Variants in TBX15 observed in about 807,000 individuals in gnomAD.
TBX15 encodes T-box transcription factor TBX15.
A neutral mutation model predicts 53.9 loss-of-function variants in TBX15; 18 were observed. The observed-to-expected ratio is 0.33, with a 90% CI of 0.23 to 0.49. The LOEUF is 0.49. Among genes scored for constraint, TBX15 ranks in the 20% least tolerant of loss-of-function variants. The pLI, the probability that TBX15 is intolerant of heterozygous loss-of-function variation, is 0.98. For synonymous variants in TBX15, 295 were observed against 278.0 expected, an observed-to-expected ratio of 1.06 and a Z score of -0.61; for missense variants, 692 against 749.5, an observed-to-expected ratio of 0.92 and a Z score of 0.90.
At chr1:118,945,898 T>C (rs777863287) in intron 1 of TBX15, among the ~76,000 whole-genome samples, 3 of 152,208 alleles carry the variant, frequency 2.0e-5, no homozygotes, top group Non-Finnish European at 2.9e-5. Context: ...AATTTACAAG[T>C]CTGGAGGATG....
At chr1:118,965,725 T>A (rs911512122) in intron 1 of TBX15, among the ~76,000 whole-genome samples, 6 of 152,222 alleles carry the variant, frequency 3.9e-5, no homozygotes, top group Non-Finnish European at 7.3e-5. Context: ...TGGAATTCTA[T>A]GAGACTTTTA....
intron 6 of TBX15, among the ~76,000 whole-genome samples, chr1:118,910,959 A>G (rs1240496760): frequency 3.3e-5 from 5 of 152,174 alleles, no homozygotes; most frequent in African/African-American, 1.2e-4. Context: ...TTACTTGGAA[A>G]AGCAAAGGTG....
intron 7 of TBX15, among the ~76,000 whole-genome samples, chr1:118,892,655 G>A (rs1197611157): frequency 6.6e-6 from 1 of 152,042 alleles, no homozygotes; most frequent in Non-Finnish European, 1.5e-5. Flanking sequence ...TTCTCTAACA[G>A]TAATACTCAT....
intron 5 of TBX15, among the ~76,000 whole-genome samples, chr1:118,918,893 C>T (rs145420151): frequency 1.9e-3 from 285 of 152,300 alleles, no homozygotes; most frequent in African/African-American, 6.3e-3. Flanking sequence ...CTCTTATTAA[C>T]ACTCTTCGTT....
chr1:118,957,650 T>G (rs1289927914), intron 1 of TBX15, among the ~76,000 whole-genome samples: 1 of 152,152 alleles, frequency 6.6e-6, no homozygotes, highest in Non-Finnish European at 1.5e-5. Flanking sequence ...GGCCGCGGTG[T>G]GTGATGTTCC....
At chr1:118,976,544 C>T (rs978564454) in intron 1 of TBX15, among the ~76,000 whole-genome samples, 3 of 152,208 alleles carry the variant, frequency 2.0e-5, no homozygotes, top group African/African-American at 7.2e-5. Context: ...CATTATTCCA[C>T]TTCCCTGCAT....
At chr1:118,953,346 G>A (rs998226619) in intron 1 of TBX15, among the ~76,000 whole-genome samples, 1 of 152,164 alleles carries the variant, frequency 6.6e-6, no homozygotes, top group African/African-American at 2.4e-5. Context: ...CAAATAAGAA[G>A]AGATTAAATA....
intron 1 of TBX15, among the ~76,000 whole-genome samples, chr1:118,935,414 A>G (rs1655938952): frequency 6.6e-6 from 1 of 152,176 alleles, no homozygotes; most frequent in African/African-American, 2.4e-5. Flanking sequence ...TCCTGTCCTC[A>G]AAAAATAGCC....
At chr1:118,893,410 G>GA (rs1654251805) in intron 7 of TBX15, among the ~76,000 whole-genome samples, 15 of 66,922 alleles carry the variant, frequency 2.2e-4, no homozygotes, top group African/African-American at 4.8e-4. Context: ...AGAAAGAAAG[G>GA]AAGAAGGAAA....
intron 7 of TBX15, chr1:118,890,943 T>C (rs1487813636): frequency 7.7e-7 from 1 of 1,304,048 alleles, no homozygotes; most frequent in African/African-American, 1.5e-5. Context: ...TCACTGTGTA[T>C]CCTTGAGAAG....
At chr1:118,915,574 G>T (rs181947158) in intron 5 of TBX15, among the ~76,000 whole-genome samples, 13 of 152,178 alleles carry the variant, frequency 8.5e-5, no homozygotes, top group Admixed American at 7.9e-4. Context: ...GGAGTCTAAA[G>T]GTTTGGCTTT....
At chr1:118,967,454 T>G (rs569726366) in intron 1 of TBX15, among the ~76,000 whole-genome samples, 3 of 152,298 alleles carry the variant, frequency 2.0e-5, no homozygotes, top group African/African-American at 4.8e-5. Context: ...AAATGATGTG[T>G]TTGCCACCAC....
Position 118,979,763 on chromosome 1 carries a change from CGGGTCCCGGGTTTCCA to C in TBX15, c.205+7812_205+7827del, listed in dbSNP as rs767091846. ...GAACAGCCGCCATCCCTCAGGGTTCCGGGTCCCGGGTTTCCAGGGTCCCGGGTTTCCAAGGCCCCGC... is the reference window on the plus strand; with the variant it reads ...GAACAGCCGCCATCCCTCAGGGTTCCGGGTCCCGGGTTTCCAAGGCCCCGC... On this transcript the variant is annotated intron_variant, in intron 1 of 7. Coordinates refer to ENST00000369429, the MANE Select transcript of TBX15 (RefSeq NM_001330677.2). 1.3e-3 allele frequency among the ~76,000 whole-genome samples: 197 copies of C among 152,338 alleles called. 1 individual carries two copies. The highest frequency in any genetic ancestry group is 1.9e-3 in the Non-Finnish European group (130 of 68,026).
chr1:118,960,089 A>T (rs1656817524), intron 1 of TBX15, among the ~76,000 whole-genome samples: 1 of 150,688 alleles, frequency 6.6e-6, no homozygotes, highest in Admixed American at 6.6e-5. Context: ...AAAAGAAGAG[A>T]AAAGGGAAGT....
At chr1:118,919,226 T>C (rs1246646455) in intron 5 of TBX15, among the ~76,000 whole-genome samples, 19 of 152,236 alleles carry the variant, frequency 1.2e-4, no homozygotes, top group Admixed American at 2.6e-4. Context: ...AGCATTCTTT[T>C]TCCCCCAGAG....
chr1:118,897,913 C>T (rs1654483958), intron 7 of TBX15, among the ~76,000 whole-genome samples: 2 of 152,132 alleles, frequency 1.3e-5, no homozygotes, highest in Non-Finnish European at 2.9e-5. Context: ...GTCAGAAAGG[C>T]AATATTCCTT....
intron 1 of TBX15, among the ~76,000 whole-genome samples, chr1:118,952,648 A>C (rs895063862): frequency 1.3e-5 from 2 of 152,072 alleles, no homozygotes; most frequent in Non-Finnish European, 2.9e-5. Context: ...CATAGCTCTA[A>C]ATACCTACAG....
intron 1 of TBX15, among the ~76,000 whole-genome samples, chr1:118,962,245 G>A (rs1656901120): frequency 6.6e-6 from 1 of 152,186 alleles, no homozygotes; most frequent in African/African-American, 2.4e-5. Context: ...CTTACAATTT[G>A]TTCCAATATC....
intron 7 of TBX15, chr1:118,890,755 GTTTC>G: frequency 3.8e-6 from 2 of 526,162 alleles, no homozygotes; most frequent in East Asian, 1.4e-4. Context: ...TTCACATACA[GTTTC>G]TTTTTCAATT....
Sources: allele counts gnomAD v4.1 joint callset (sites outside exome capture counted in the v4.1 genomes callset), GRCh38; gene constraint gnomAD v4.1.1; transcripts MANE v1.5; gene names NCBI Gene and HGNC (gene_info 2026-07-23, HGNC 2026-07-21).